ROBO2: variants seen among roughly 807,000 people sequenced by gnomAD.
The protein encoded by ROBO2 is roundabout guidance receptor 2.
In ROBO2, 53 loss-of-function variants were observed where a neutral mutation model predicts 160.8. The observed-to-expected ratio is 0.33, with a 90% CI of 0.26 to 0.41. The LOEUF (loss-of-function observed/expected upper bound fraction) is 0.41, where lower values mean the gene tolerates loss of function less well. Among genes scored for constraint, ROBO2 ranks in the 10% least tolerant of loss-of-function variants. The pLI is 1.00. For missense variants in ROBO2, 1,577 were observed against 1,722.4 expected, an observed-to-expected ratio of 0.92 and a Z score of 1.49; for synonymous variants, 664 against 611.7, an observed-to-expected ratio of 1.09 and a Z score of -1.26.
rs533426394 is a variant in ROBO2 at position 76,094,070 on chromosome 3, G to A, written c.109+156468G>A. On this transcript the variant is annotated intron_variant, in intron 2 of 26. Coordinates refer to the ROBO2 transcript ENST00000487694. Reference sequence around the variant, plus strand: ...TTCCTGACAACCACAGGTACATGGAGCCCTGAGGAAGAATAGGGGAATGTG... The same window carrying A: ...TTCCTGACAACCACAGGTACATGGAACCCTGAGGAAGAATAGGGGAATGTG... Among the ~76,000 whole-genome samples the A allele has an allele frequency of 1.4e-3, 206 of 152,204 alleles. 2 individuals carry two copies. The highest frequency in any genetic ancestry group is 4.7e-3 in the African/African-American group (194 of 41,536).
chr3:76,846,177 A>G (rs992303580), intron 2 of ROBO2, among the ~76,000 whole-genome samples: 3 of 152,148 alleles, frequency 2.0e-5, no homozygotes, highest in Non-Finnish European at 4.4e-5. Context: ...TTGATTTGTC[A>G]TGTCTGTCAT....
intron 1 of ROBO2, among the ~76,000 whole-genome samples, chr3:77,069,078 A>G (rs2067148233): frequency 6.6e-6 from 1 of 152,188 alleles, no homozygotes; most frequent in Non-Finnish European, 1.5e-5. Flanking sequence ...TAGCTGTGGC[A>G]GACGCTGTGT....
At chr3:76,496,182 A>G (rs1283211124) in intron 2 of ROBO2, among the ~76,000 whole-genome samples, 1 of 152,116 alleles carries the variant, frequency 6.6e-6, no homozygotes, top group Non-Finnish European at 1.5e-5. Context: ...ATACTACCCA[A>G]CTCCTCACCC....
intron 2 of ROBO2, among the ~76,000 whole-genome samples, chr3:76,840,540 G>T (rs913207410): frequency 4.0e-5 from 6 of 150,520 alleles, no homozygotes; most frequent in Non-Finnish European, 5.9e-5. Context: ...AACCCAGAAG[G>T]TGGAACTTGC....
chr3:76,057,626 T>C (rs754941148), intron 2 of ROBO2, among the ~76,000 whole-genome samples: 21 of 152,156 alleles, frequency 1.4e-4, no homozygotes, highest in Admixed American at 5.9e-4. Flanking sequence ...GAAAGTGTTG[T>C]GGAGTAGAAC....
At chr3:77,571,155 A>C (rs2093628266) in intron 13 of ROBO2, among the ~76,000 whole-genome samples, 1 of 152,032 alleles carries the variant, frequency 6.6e-6, no homozygotes, top group African/African-American at 2.4e-5. Flanking sequence ...AGAGATTGAA[A>C]AGAGTGCTTC....
At chr3:77,374,143 C>T (rs1423148980) in intron 2 of ROBO2, among the ~76,000 whole-genome samples, 1 of 126,512 alleles carries the variant, frequency 7.9e-6, no homozygotes, top group East Asian at 2.4e-4. Flanking sequence ...GCACTCCAGC[C>T]CAGGCCGACA....
At chr3:76,112,516 A>G (rs1300519681) in intron 2 of ROBO2, among the ~76,000 whole-genome samples, 1 of 152,022 alleles carries the variant, frequency 6.6e-6, no homozygotes, top group Non-Finnish European at 1.5e-5. Context: ...AGCATCTACC[A>G]TGTTGTTTTC....
chr3:76,510,112 C>T (rs1371122520), intron 2 of ROBO2, among the ~76,000 whole-genome samples: 7 of 152,130 alleles, frequency 4.6e-5, no homozygotes, highest in African/African-American at 1.4e-4. Context: ...CCCTATGATG[C>T]CCTACATGAG....
intron 2 of ROBO2, among the ~76,000 whole-genome samples, chr3:77,156,017 G>A (rs991408324): frequency 1.3e-5 from 2 of 151,892 alleles, no homozygotes; most frequent in East Asian, 1.9e-4. Flanking sequence ...TCTTTCTAGA[G>A]AGCATGCAAA....
At chr3:75,975,329 A>G (rs944123650) in intron 2 of ROBO2, among the ~76,000 whole-genome samples, 2 of 151,496 alleles carry the variant, frequency 1.3e-5, no homozygotes, top group African/African-American at 4.8e-5. Context: ...CAAATTATTT[A>G]TATAAAAATG....
At chr3:76,942,378 T>C (rs977742638) in intron 2 of ROBO2, among the ~76,000 whole-genome samples, 1 of 152,212 alleles carries the variant, frequency 6.6e-6, no homozygotes, top group Non-Finnish European at 1.5e-5. Context: ...GCCTCCTTTA[T>C]TGTTTTGACT....
At chr3:76,249,103 G>A (rs895708236) in intron 2 of ROBO2, among the ~76,000 whole-genome samples, 11 of 152,030 alleles carry the variant, frequency 7.2e-5, no homozygotes, top group Admixed American at 2.6e-4. Flanking sequence ...TAAGGTCTTC[G>A]TTATTTTATA....
At chr3:76,794,631 C>T (rs966651138) in intron 2 of ROBO2, among the ~76,000 whole-genome samples, 3 of 151,848 alleles carry the variant, frequency 2.0e-5, no homozygotes, top group East Asian at 3.9e-4. Flanking sequence ...TTACAGCAAT[C>T]GGATTCATTA....
chr3:77,282,686 A>G (rs1183010530), intron 2 of ROBO2, among the ~76,000 whole-genome samples: 1 of 152,150 alleles, frequency 6.6e-6, no homozygotes, highest in East Asian at 1.9e-4. Context: ...AAAACATTAT[A>G]TCTGCACAAA....
intron 2 of ROBO2, among the ~76,000 whole-genome samples, chr3:76,031,114 A>G (rs971920944): frequency 2.0e-5 from 3 of 152,032 alleles, no homozygotes; most frequent in Non-Finnish European, 2.9e-5. Flanking sequence ...TAGGTATTTT[A>G]TTCTCTTCAT....
Position 77,425,155 on chromosome 3 carries a change from G to A in ROBO2, c.389-52259G>A, listed in dbSNP as rs116341431. 3.6e-3 allele frequency among the ~76,000 whole-genome samples: 538 copies of A among 150,028 alleles called. 3 individuals carry two copies. The highest frequency in any genetic ancestry group is 0.021 in the Middle Eastern group (6 of 286). On this transcript the variant is annotated intron_variant, in intron 2 of 25. Transcript: ENST00000461745. ...GAATCATCTGTTGAGTTCTCACTACGTGCCCAGCAGTGTGCTAGTTGTCAG... is the reference window on the plus strand; with the variant it reads ...GAATCATCTGTTGAGTTCTCACTACATGCCCAGCAGTGTGCTAGTTGTCAG...
chr3:76,792,348 G>T (rs774593), intron 2 of ROBO2, among the ~76,000 whole-genome samples: 79,124 of 151,440 alleles, frequency 0.52, 22,418 homozygotes, highest in African/African-American at 0.76. Flanking sequence ...TTTGGGGATT[G>T]GAGCATCCCC....
chr3:76,749,215 A>T (rs2093940165), intron 2 of ROBO2, among the ~76,000 whole-genome samples: 1 of 151,928 alleles, frequency 6.6e-6, no homozygotes, highest in Non-Finnish European at 1.5e-5. Flanking sequence ...CTGAATATTC[A>T]AAAATTATGA....
Sources: gnomAD v4.1 joint callset for allele counts (sites outside exome capture counted in the v4.1 genomes callset) on GRCh38, gnomAD v4.1.1 for gene constraint, MANE v1.5 for transcripts, NCBI Gene and HGNC (gene_info 2026-07-23, HGNC 2026-07-21) for gene names.